Variants in PTPRR observed in about 807,000 individuals in gnomAD.
PTPRR encodes the protein protein tyrosine phosphatase receptor type R.
PTPRR carries 38 observed loss-of-function variants against 77.2 expected under a neutral mutation model. The observed-to-expected ratio is 0.49, with a 90% CI of 0.38 to 0.65. The LOEUF is 0.65. Among genes scored for constraint, PTPRR ranks in the 30% least tolerant of loss-of-function variants. The probability of loss-of-function intolerance (pLI) is 0.00; values close to 1 mark genes in which losing one functional copy is unlikely to be tolerated. For synonymous variants in PTPRR, 299 were observed against 283.1 expected, an observed-to-expected ratio of 1.06 and a Z score of -0.57; for missense variants, 744 against 799.2, an observed-to-expected ratio of 0.93 and a Z score of 0.83.
chr12:70,775,588 A>G (rs891261231), intron 2 of PTPRR, among the ~76,000 whole-genome samples: 1 of 152,182 alleles, frequency 6.6e-6, no homozygotes, highest in African/African-American at 2.4e-5. Context: ...CATACCCAGT[A>G]AGAGTCAGGA....
At chr12:70,781,718 G>A (rs191623325) in intron 2 of PTPRR, among the ~76,000 whole-genome samples, 4 of 152,250 alleles carry the variant, frequency 2.6e-5, no homozygotes, top group East Asian at 1.9e-4. Flanking sequence ...GGCAGAACAC[G>A]AAGACCAATT....
At chr12:70,711,073 T>C (rs572713632) in intron 6 of PTPRR, among the ~76,000 whole-genome samples, 5 of 152,250 alleles carry the variant, frequency 3.3e-5, no homozygotes, top group African/African-American at 9.6e-5. Flanking sequence ...TGCTCTATTA[T>C]AAAGACACAT....
At chr12:70,871,594 C>T (rs893407500) in intron 2 of PTPRR, among the ~76,000 whole-genome samples, 1 of 152,160 alleles carries the variant, frequency 6.6e-6, no homozygotes, top group East Asian at 1.9e-4. Context: ...GAAATGAATA[C>T]TTTGTTGGCA....
At chr12:70,767,735 C>T (rs1592745042) in intron 2 of PTPRR, among the ~76,000 whole-genome samples, 3 of 152,300 alleles carry the variant, frequency 2.0e-5, no homozygotes, top group Admixed American at 2.0e-4. Flanking sequence ...CCACACCACA[C>T]CTGTTCCAAA....
At chr12:70,729,567 C>T (rs999570256) in intron 6 of PTPRR, among the ~76,000 whole-genome samples, 2 of 152,112 alleles carry the variant, frequency 1.3e-5, no homozygotes, top group Non-Finnish European at 2.9e-5. Flanking sequence ...ATATTTTTGG[C>T]CTTTTGAGAG....
At chr12:70,804,807 T>C (rs1891680688) in intron 2 of PTPRR, among the ~76,000 whole-genome samples, 1 of 152,140 alleles carries the variant, frequency 6.6e-6, no homozygotes, top group African/African-American at 2.4e-5. Context: ...GAACATATTG[T>C]AAACCACGGG....
chr12:70,843,960 T>C (rs2137062552), intron 2 of PTPRR, among the ~76,000 whole-genome samples: 1 of 151,690 alleles, frequency 6.6e-6, no homozygotes, highest in South Asian at 2.1e-4. Flanking sequence ...GGTTTACAGG[T>C]GTCTGCCACC....
intron 2 of PTPRR, among the ~76,000 whole-genome samples, chr12:70,787,583 C>G (rs967819064): frequency 2.3e-4 from 34 of 149,938 alleles, no homozygotes; most frequent in Non-Finnish European, 5.9e-5. Context: ...CTTTCCTTTC[C>G]CTTTAGTCTA....
rs183709903 is a variant in PTPRR at position 70,811,252 on chromosome 12, C to T, written c.358-46474G>A. Among the ~76,000 whole-genome samples, 4 of 152,164 alleles carry T rather than the reference C, an allele frequency of 2.6e-5. No homozygotes were observed. In the East Asian group the frequency reaches 7.7e-4, roughly 29 times the overall value. The stretch of plus-strand genomic sequence containing the variant: ...GACATTATTATGAACTGACAGGTGC[C>T]TACAAAATATGACATTCTCATCTAC... On this transcript the variant is annotated intron_variant, in intron 2 of 13. Coordinates refer to ENST00000283228, the MANE Select transcript of PTPRR (RefSeq NM_002849.4).
chr12:70,765,680 G>A (rs139026852), intron 2 of PTPRR, among the ~76,000 whole-genome samples: 1,665 of 152,292 alleles, frequency 0.011, 92 homozygotes, highest in Admixed American at 0.088. Context: ...GCATGCAGCT[G>A]GAGATCTGAG....
intron 2 of PTPRR, among the ~76,000 whole-genome samples, chr12:70,847,007 G>C (rs1399781429): frequency 6.6e-6 from 1 of 152,022 alleles, no homozygotes; most frequent in African/African-American, 2.4e-5. Flanking sequence ...ATCTTTCCTG[G>C]GGTGTCCAGG....
intron 2 of PTPRR, among the ~76,000 whole-genome samples, chr12:70,850,257 G>C (rs1451587084): frequency 1.3e-5 from 2 of 151,978 alleles, no homozygotes; most frequent in Non-Finnish European, 2.9e-5. Context: ...AGCTACTCGG[G>C]AGGCTGAGGG....
chr12:70,753,459 T>C (rs540777992), intron 5 of PTPRR, among the ~76,000 whole-genome samples: 1 of 152,300 alleles, frequency 6.6e-6, no homozygotes, highest in Admixed American at 6.5e-5. Context: ...TATTACATCT[T>C]GAAATTTTCA....
Position 70,779,794 on chromosome 12 carries a change from G to A in PTPRR, c.358-15016C>T, listed in dbSNP as rs557526911. On this transcript the variant is annotated intron_variant, in intron 2 of 13. Transcript: ENST00000283228. ...CTGAGTTATATGATAGGCTTGGAAA[G>A]GGTAACAAACCCAGGCCTCGTGCTT... is the stretch of plus-strand genomic sequence containing the variant. 7.2e-5 allele frequency among the ~76,000 whole-genome samples: 11 copies of A among 152,222 alleles called. No homozygotes were observed. In the South Asian group the frequency reaches 2.1e-3, roughly 29 times the overall value.
Position 70,810,683 on chromosome 12 carries a change from T to A in PTPRR, c.358-45905A>T, listed in dbSNP as rs1386052342. 2.0e-5 allele frequency among the ~76,000 whole-genome samples: 3 copies of A among 152,156 alleles called. No individual in the cohort carries two copies. The East Asian group carries it at 5.8e-4, about 29-fold the overall frequency. The stretch of plus-strand genomic sequence containing the variant: ...GATAAATTGTTTGGAAGTTAAGTAG[T>A]TTCTCAACTAGAATGAGAATGCTCT... On this transcript the variant is annotated intron_variant, in intron 2 of 13. Coordinates refer to ENST00000283228, the MANE Select transcript of PTPRR (RefSeq NM_002849.4).
intron 1 of PTPRR, among the ~76,000 whole-genome samples, chr12:70,903,028 T>A (rs565442691): frequency 2.0e-5 from 3 of 151,820 alleles, no homozygotes; most frequent in East Asian, 3.9e-4. Context: ...GAAAGACAAA[T>A]ATCATATGAT....
In PTPRR at chr12:70,639,202, T is replaced by C; in HGVS notation, c.1956A>G (p.Ser652=). 6.2e-7 allele frequency: 1 copy of C among 1,613,324 alleles called. No individual in the cohort carries two copies. Among genetic ancestry groups the C allele is most frequent in the Admixed American group, 1.7e-5 (1 of 60,010 alleles). Residue 652 remains serine (S), a synonymous_variant, in exon 14 of 14, where the codon TCA becomes TCG. Transcript: ENST00000283228. ...HALCLYESRL[S]AETVQ ...CAATGACTCACTGGACAGTCTCTGCTGAAAGTCTGCTCTCATACAGGCACA... is the reference window on the plus strand; with the variant it reads ...CAATGACTCACTGGACAGTCTCTGCCGAAAGTCTGCTCTCATACAGGCACA...
chr12:70,785,952 TC>T (rs1320049209), intron 2 of PTPRR, among the ~76,000 whole-genome samples: 1 of 152,200 alleles, frequency 6.6e-6, no homozygotes, highest in Non-Finnish European at 1.5e-5. Context: ...ATGTTATTTT[TC>T]CCAGTTATTC....
At chr12:70,758,778 A>T (rs1309329308) in intron 4 of PTPRR, among the ~76,000 whole-genome samples, 2 of 152,196 alleles carry the variant, frequency 1.3e-5, no homozygotes, top group East Asian at 3.9e-4. Context: ...TAGTAACTTT[A>T]TTCATAGAAC....
Sources: allele counts gnomAD v4.1 joint callset (sites outside exome capture counted in the v4.1 genomes callset), GRCh38; gene constraint gnomAD v4.1.1; transcripts MANE v1.5; gene names NCBI Gene and HGNC (gene_info 2026-07-23, HGNC 2026-07-21).